The following GC variants were observed in gnomAD, a reference collection of about 807,000 sequenced individuals.
GC encodes vitamin D-binding protein.
GC carries 43 observed loss-of-function variants against 56.7 expected under a neutral mutation model. The observed-to-expected ratio is 0.76, with a 90% CI of 0.59 to 0.98. The LOEUF (loss-of-function observed/expected upper bound fraction) is 0.98, where lower values mean the gene tolerates loss of function less well. Among genes scored for constraint, GC ranks in the 50% least tolerant of loss-of-function variants. The probability of loss-of-function intolerance (pLI) is 0.00; values close to 1 mark genes in which losing one functional copy is unlikely to be tolerated. For synonymous variants in GC, 216 were observed against 202.7 expected (o/e 1.07, Z -0.56); for missense variants, 529 against 545.9 (o/e 0.97, Z 0.31).
upstream of GC, chr4:71,784,266 C>G: frequency 8.4e-7 from 1 of 1,188,650 alleles, no homozygotes. Context: ...AGTGGAAAAT[C>G]TAGGAGATTT....
intron 1 of GC, among the ~76,000 whole-genome samples, chr4:71,781,384 A>G (rs1742674481): frequency 6.6e-6 from 1 of 151,962 alleles, no homozygotes; most frequent in Non-Finnish European, 1.5e-5. Flanking sequence ...TTAAAGTATA[A>G]CAATAATAAA....
intron 1 of GC, among the ~76,000 whole-genome samples, chr4:71,777,417 A>G (rs1229482169): frequency 1.3e-5 from 2 of 151,626 alleles, no homozygotes; most frequent in Non-Finnish European, 2.9e-5. Flanking sequence ...GCTTTGCAGT[A>G]TCATGTAGAT....
intron 1 of GC, among the ~76,000 whole-genome samples, chr4:71,790,772 T>G (rs1232696049): frequency 2.0e-5 from 3 of 151,744 alleles, no homozygotes; most frequent in South Asian, 4.1e-4. Context: ...AATTTAATTT[T>G]ATTATTATTA....
upstream of GC, among the ~76,000 whole-genome samples, chr4:71,787,708 G>A (rs1742871824): frequency 1.3e-5 from 2 of 152,002 alleles, no homozygotes; most frequent in South Asian, 4.1e-4. Flanking sequence ...AGTGTGGCCT[G>A]TGGTGCTGGC....
intron 1 of GC, among the ~76,000 whole-genome samples, chr4:71,774,047 G>C (rs1225377316): frequency 6.6e-6 from 1 of 151,900 alleles, no homozygotes; most frequent in Non-Finnish European, 1.5e-5. Flanking sequence ...AGCTGATCTG[G>C]TTATAAGAGA....
intron 1 of GC, among the ~76,000 whole-genome samples, chr4:71,780,184 T>C (rs1303890896): frequency 6.6e-6 from 1 of 151,990 alleles, no homozygotes; most frequent in Non-Finnish European, 1.5e-5. Context: ...TAGCCATATG[T>C]AGAAAGCTGA....
intron 1 of GC, among the ~76,000 whole-genome samples, chr4:71,782,072 A>T (rs1351004693): frequency 6.6e-6 from 1 of 151,830 alleles, no homozygotes; most frequent in African/African-American, 2.4e-5. Context: ...GAAGGAATAA[A>T]TTATGGCTCA....
At chr4:71,748,084 A>G (rs1741433701) in intron 11 of GC, among the ~76,000 whole-genome samples, 2 of 152,324 alleles carry the variant, frequency 1.3e-5, no homozygotes, top group East Asian at 3.9e-4. Context: ...TTCTAACATC[A>G]TATAACCTCT....
Position 71,741,736 on chromosome 4 carries a change from A to T in GC, c.*160T>A. On this transcript the variant is annotated 3_prime_UTR_variant, in exon 13 of 13. Transcript: ENST00000273951. ...TTTCAATTTATTTTGATAGCAAATCATCATACTTGTCATTGTATGAAGATA... is the reference window on the plus strand; with the variant it reads ...TTTCAATTTATTTTGATAGCAAATCTTCATACTTGTCATTGTATGAAGATA... 1 of 680,656 alleles carries T rather than the reference A, an allele frequency of 1.5e-6. No individual in the cohort carries two copies. Among genetic ancestry groups the T allele is most frequent in the Non-Finnish European group, 2.7e-6 (1 of 376,862 alleles). 42.2% of individuals were successfully genotyped at this position (680,656 alleles called of 1,614,324 possible). A position where few individuals can be genotyped will look rare whatever the true frequency, so the allele number is the denominator to read the frequency against.
In GC at chr4:71,779,133, T is replaced by G. The variant is rs1012035087; in HGVS notation, c.58+4828A>C. Among the ~76,000 whole-genome samples the G allele has an allele frequency of 2.6e-5, 4 of 151,748 alleles. 1 individual carries two copies. Among genetic ancestry groups the G allele is most frequent in the Non-Finnish European group, 5.9e-5 (4 of 67,862 alleles). ...CATATACAAAAACCCAATTTTGTAA[T>G]ATTACACAATAATTTTTTGAACACC... is the stretch of plus-strand genomic sequence containing the variant. On this transcript the variant is annotated intron_variant, in intron 1 of 12. Coordinates refer to ENST00000273951, the MANE Select transcript of GC (RefSeq NM_000583.4).
chr4:71,750,745 C>T (rs1324181358), intron 11 of GC, among the ~76,000 whole-genome samples: 4 of 151,904 alleles, frequency 2.6e-5, no homozygotes, highest in South Asian at 2.1e-4. Context: ...ATTAGCTGGG[C>T]GTGGTGGTGG....
chr4:71,758,287 G>C, intron 6 of GC, 116 bp from the exon 7 acceptor site: 6 of 836,822 alleles, frequency 7.2e-6, no homozygotes, highest in Non-Finnish European at 1.1e-5. Context: ...GGCCTCAAGA[G>C]ATGCATGGGA....
chr4:71,792,853 G>A (rs1427466700), intron 1 of GC, among the ~76,000 whole-genome samples: 2 of 152,088 alleles, frequency 1.3e-5, no homozygotes, highest in Non-Finnish European at 2.9e-5. Context: ...TGTAAGGAAG[G>A]GATCCAGTTT....
intron 1 of GC, among the ~76,000 whole-genome samples, chr4:71,802,605 T>C (rs1464844056): frequency 6.6e-6 from 1 of 152,202 alleles, no homozygotes; most frequent in Non-Finnish European, 1.5e-5. Flanking sequence ...CATCCTAAAG[T>C]TGAAAAGTCA....
intron 1 of GC, among the ~76,000 whole-genome samples, chr4:71,797,284 G>A (rs927026969): frequency 3.3e-5 from 5 of 152,240 alleles, no homozygotes; most frequent in Non-Finnish European, 5.9e-5. Context: ...GCTACACCCT[G>A]CCCACTGAGG....
intron 1 of GC, among the ~76,000 whole-genome samples, chr4:71,773,227 C>G (rs1308292778): frequency 6.6e-6 from 1 of 151,948 alleles, no homozygotes; most frequent in Non-Finnish European, 1.5e-5. Context: ...ATGAAGTGAC[C>G]CCCCACAGTA....
At position 71,752,639 on chromosome 4, in the gene GC, C is replaced by A. The variant is rs748679673; in HGVS notation, c.1274G>T (p.Arg425Leu). The A allele has an allele frequency of 4.3e-6, 7 of 1,613,118 alleles. No individual in the cohort carries two copies. The highest frequency in any genetic ancestry group is 1.7e-5 in the Admixed American group (1 of 59,918). ...FTEYKKKLAE[R>L]LKAKLPDATP... ...GGCATCAGGCAATTTTGCTTTTAGTCGCTCTGCCAGTCTGAAAAACCATTT... is the reference window on the plus strand; with the variant it reads ...GGCATCAGGCAATTTTGCTTTTAGTAGCTCTGCCAGTCTGAAAAACCATTT... The change falls in exon 11 of 13, where the codon CGA becomes CTA. Residue 425 changes from arginine (R) to leucine (L), a missense_variant. Physicochemically the swap from Arg to Leu is moderately radical, Grantham distance 102. Transcript: ENST00000273951.
intron 3 of GC, among the ~76,000 whole-genome samples, chr4:71,766,190 G>T (rs222012): frequency 0.091 from 13,795 of 152,084 alleles, 698 homozygotes; most frequent in Non-Finnish European, 0.1. Context: ...TTCTTGAACC[G>T]GCTTTTGCAT....
intron 1 of GC, among the ~76,000 whole-genome samples, chr4:71,793,954 A>G (rs1033274148): frequency 5.9e-5 from 9 of 152,216 alleles, no homozygotes; most frequent in Non-Finnish European, 8.8e-5. Flanking sequence ...GCGATGGATT[A>G]CGTTTATTGA....
Sources: gnomAD v4.1 joint callset for allele counts (sites outside exome capture counted in the v4.1 genomes callset) on GRCh38, gnomAD v4.1.1 for gene constraint, MANE v1.5 for transcripts, NCBI Gene and HGNC (gene_info 2026-07-23, HGNC 2026-07-21) for gene names.